Variants in GRM8 observed in about 807,000 individuals in gnomAD.
GRM8 encodes the protein metabotropic glutamate receptor 8.
In GRM8, 47 loss-of-function variants were observed where a neutral mutation model predicts 87.2. The observed-to-expected ratio is 0.54, with a 90% confidence interval of 0.43 to 0.69. GRM8 has a LOEUF of 0.69. Among genes scored for constraint, GRM8 ranks in the 30% least tolerant of loss-of-function variants. The probability of loss-of-function intolerance (pLI) is 0.00; values close to 1 mark genes in which losing one functional copy is unlikely to be tolerated. For synonymous variants in GRM8, 396 were observed against 404.5 expected, an observed-to-expected ratio of 0.98 and a Z score of 0.25; for missense variants, 1,019 against 1,139.2, an observed-to-expected ratio of 0.89 and a Z score of 1.52.
At position 126,587,570 on chromosome 7, in the gene GRM8, C is replaced by T. The variant is rs542555752; in HGVS notation, c.1494+21792G>A. Among the ~76,000 whole-genome samples the T allele has an allele frequency of 3.8e-4, 57 of 151,498 alleles. 1 individual carries two copies. Among genetic ancestry groups the T allele is most frequent in the African/African-American group, 1.2e-3 (50 of 41,282 alleles). ...GAAACCATCATTTTCAGCAAACTAT[C>T]GCAGGGACAAAAAAACCAAACACCG... On this transcript the variant is annotated intron_variant, in intron 8 of 10. Transcript: ENST00000339582.
intron 8 of GRM8, among the ~76,000 whole-genome samples, chr7:126,535,912 G>T (rs1562933695): frequency 6.6e-6 from 1 of 152,114 alleles, no homozygotes; most frequent in Non-Finnish European, 1.5e-5. Flanking sequence ...AAGCCTTCAG[G>T]TGACATCTGA....
intron 3 of GRM8, among the ~76,000 whole-genome samples, chr7:127,012,181 C>A (rs985075091): frequency 1.3e-5 from 2 of 152,158 alleles, no homozygotes; most frequent in South Asian, 2.1e-4. Context: ...CAAGCACCTG[C>A]AACTCCTCAA....
chr7:127,121,870 A>G (rs771267780), intron 2 of GRM8, among the ~76,000 whole-genome samples: 4 of 152,106 alleles, frequency 2.6e-5, no homozygotes, highest in Admixed American at 2.6e-4. Flanking sequence ...GGGGACTACA[A>G]TTCCACATGG....
chr7:126,439,381 G>A (rs1418964096), intron 10 of GRM8, among the ~76,000 whole-genome samples: 2 of 152,078 alleles, frequency 1.3e-5, no homozygotes, highest in African/African-American at 4.8e-5. Context: ...GGTCCCATGA[G>A]ATTATAATGG....
rs1452215646 is a variant in GRM8 at position 126,903,711 on chromosome 7, A to ATG, written c.1018+259_1018+260dup. ...TGTATATGTGTATATATATATGTAT[A>ATG]TGTGTATATATATATGTATATGTGT... On this transcript the variant is annotated intron_variant, in intron 5 of 10. Transcript: ENST00000339582. Among the ~76,000 whole-genome samples, 38 of 141,718 alleles carry ATG rather than the reference A, an allele frequency of 2.7e-4. 2 individuals carry two copies. The highest frequency in any genetic ancestry group is 7.0e-4 in the African/African-American group (27 of 38,388). The allele number at this position is 141,718 out of a possible 152,430, so 93.0% of individuals were successfully genotyped here. A position where few individuals can be genotyped will look rare whatever the true frequency, so the allele number is the denominator to read the frequency against.
intron 3 of GRM8, among the ~76,000 whole-genome samples, chr7:127,027,054 G>A (rs1816857283): frequency 6.6e-6 from 1 of 152,082 alleles, no homozygotes; most frequent in African/African-American, 2.4e-5. Flanking sequence ...TCTACATATG[G>A]CTAGCCAGTT....
intron 1 of GRM8, among the ~76,000 whole-genome samples, chr7:127,248,486 TG>T (rs1434362262): frequency 1.3e-5 from 2 of 152,176 alleles, no homozygotes; most frequent in African/African-American, 4.8e-5. Context: ...GGGAGTGAGA[TG>T]TTCTAGAGTC....
At chr7:126,905,714 T>C (rs1802607753) in intron 3 of GRM8, among the ~76,000 whole-genome samples, 1 of 152,164 alleles carries the variant, frequency 6.6e-6, no homozygotes, top group South Asian at 2.1e-4. Flanking sequence ...CCACCTAGTC[T>C]GGGAAATAGG....
At chr7:127,206,736 C>T (rs960627835) in intron 2 of GRM8, among the ~76,000 whole-genome samples, 3 of 152,204 alleles carry the variant, frequency 2.0e-5, no homozygotes, top group African/African-American at 7.2e-5. Context: ...GTTCTGCAGA[C>T]TCACAGTAAT....
rs143998354 is a variant in GRM8 at position 126,569,969 on chromosome 7, A to AT, written c.1495-36083dup. 1.6e-3 allele frequency among the ~76,000 whole-genome samples: 251 copies of AT among 152,246 alleles called. 1 individual carries two copies. Among genetic ancestry groups the AT allele is most frequent in the African/African-American group, 5.8e-3 (241 of 41,532 alleles). ...GAACAACTTATCCCCATAAGATGTA[A>AT]TTTTCTTTCTCCATAGTCACCTGAA... is the stretch of plus-strand genomic sequence containing the variant. On this transcript the variant is annotated intron_variant, in intron 8 of 10. Coordinates refer to ENST00000339582, the MANE Select transcript of GRM8 (RefSeq NM_000845.3).
chr7:126,831,768 G>C lies in GRM8; in HGVS notation c.1157-61703C>G, dbSNP rs144594622. ...TCAGATGGAAATGCAGAAATCACCT[G>C]TCTTCTGCATGGCTCACACTGGGAG... On this transcript the variant is annotated intron_variant, in intron 6 of 10. Coordinates refer to ENST00000339582, the MANE Select transcript of GRM8 (RefSeq NM_000845.3). Among the ~76,000 whole-genome samples the C allele has an allele frequency of 3.2e-4, 49 of 152,240 alleles. 1 individual carries two copies. The East Asian group carries it at 9.5e-3, about 29-fold the overall frequency.
At chr7:127,223,139 A>G (rs1797041657) in intron 2 of GRM8, among the ~76,000 whole-genome samples, 1 of 152,096 alleles carries the variant, frequency 6.6e-6, no homozygotes, top group Non-Finnish European at 1.5e-5. Context: ...ATCTAAAACA[A>G]GCATAAGAAG....
chr7:127,071,460 C>T (rs984664127), intron 3 of GRM8, among the ~76,000 whole-genome samples: 7 of 152,134 alleles, frequency 4.6e-5, no homozygotes, highest in African/African-American at 1.2e-4. Flanking sequence ...TGTCATTAGA[C>T]TCAAAGTCAA....
intron 7 of GRM8, among the ~76,000 whole-genome samples, chr7:126,697,100 A>G (rs541869223): frequency 1.3e-5 from 2 of 151,846 alleles, no homozygotes; most frequent in Non-Finnish European, 2.9e-5. Flanking sequence ...GGAAGACATT[A>G]TGCTAAGTGA....
chr7:127,138,966 T>A (rs181785700), intron 2 of GRM8, among the ~76,000 whole-genome samples: 196 of 152,278 alleles, frequency 1.3e-3, no homozygotes, highest in African/African-American at 4.1e-3. Flanking sequence ...TATTTAATCC[T>A]CACAACAATA....
chr7:126,613,490 G>A (rs908878172), intron 7 of GRM8, among the ~76,000 whole-genome samples: 2 of 152,168 alleles, frequency 1.3e-5, no homozygotes, highest in East Asian at 3.9e-4. Flanking sequence ...TCCAACTGAG[G>A]TACCAGGTTC....
chr7:127,123,210 A>C (rs1413565801), intron 2 of GRM8, among the ~76,000 whole-genome samples: 1 of 152,136 alleles, frequency 6.6e-6, no homozygotes, highest in Non-Finnish European at 1.5e-5. Context: ...CAAAACTAGT[A>C]ATCAGCCAGA....
At chr7:127,095,641 A>C (rs148015697) in intron 3 of GRM8, 10 of 152,328 alleles carry the variant, frequency 6.6e-5, no homozygotes, top group African/African-American at 2.2e-4. Flanking sequence ...GAATTAATTT[A>C]ACTCATATGC....
chr7:126,931,811 G>T (rs554741534), intron 3 of GRM8, among the ~76,000 whole-genome samples: 1 of 152,298 alleles, frequency 6.6e-6, no homozygotes, highest in African/African-American at 2.4e-5. Flanking sequence ...GCTATTGAGT[G>T]ACATCAGCTC....
Sources: allele counts gnomAD v4.1 joint callset (sites outside exome capture counted in the v4.1 genomes callset), GRCh38; gene constraint gnomAD v4.1.1; transcripts MANE v1.5; gene names NCBI Gene and HGNC (gene_info 2026-07-23, HGNC 2026-07-21).